The following PTK2 variants were observed in gnomAD, a reference collection of about 807,000 sequenced individuals.
PTK2 encodes the protein focal adhesion kinase 1.
Under a neutral mutation model 150.1 loss-of-function variants are expected in PTK2, and 45 were observed. The observed-to-expected ratio is 0.30, with a 90% CI of 0.24 to 0.38. The LOEUF is 0.38. Ranked by LOEUF, PTK2 falls within the 10% of genes least tolerant of loss-of-function variation. PTK2 has a pLI of 1.00. For synonymous variants in PTK2, 432 were observed against 449.2 expected, an observed-to-expected ratio of 0.96 and a Z score of 0.48; for missense variants, 919 against 1,307.3, an observed-to-expected ratio of 0.70 and a Z score of 4.58.
chr8:140,901,507 T>G (rs896973733), intron 2 of PTK2, among the ~76,000 whole-genome samples: 2 of 152,010 alleles, frequency 1.3e-5, no homozygotes, highest in Non-Finnish European at 2.9e-5. Context: ...TGGGAGAAAG[T>G]ATTTGCACCT....
intron 22 of PTK2, among the ~76,000 whole-genome samples, chr8:140,734,394 A>T (rs1004571059): frequency 2.6e-5 from 4 of 152,166 alleles, no homozygotes; most frequent in Non-Finnish European, 5.9e-5. Context: ...TCAATTCAAC[A>T]AATGTTTATT....
chr8:140,968,716 C>A (rs889736180), intron 1 of PTK2, among the ~76,000 whole-genome samples: 8 of 152,186 alleles, frequency 5.3e-5, no homozygotes, highest in Non-Finnish European at 8.8e-5. Flanking sequence ...TCAATACATT[C>A]AACACAAGAC....
intron 26 of PTK2, among the ~76,000 whole-genome samples, chr8:140,695,258 TA>T: frequency 6.6e-6 from 1 of 152,296 alleles, no homozygotes; most frequent in Non-Finnish European, 1.5e-5. Context: ...TTGTCCCTTT[TA>T]AGTCCGTCTT....
At chr8:140,879,988 G>C (rs905025692) in intron 3 of PTK2, among the ~76,000 whole-genome samples, 3 of 152,078 alleles carry the variant, frequency 2.0e-5, no homozygotes, top group Non-Finnish European at 4.4e-5. Context: ...AAGCACACCA[G>C]CTATCTTTCA....
At chr8:140,665,792 A>T (rs1420947527) in intron 30 of PTK2, among the ~76,000 whole-genome samples, 3 of 152,240 alleles carry the variant, frequency 2.0e-5, no homozygotes, top group Non-Finnish European at 2.9e-5. Flanking sequence ...TAAAATCACC[A>T]TATAAAATCT....
rs140192219 is a variant in PTK2, at chr8:140,994,403, A to C, written c.-122+6722T>G. Among the ~76,000 whole-genome samples, 57 of 152,380 alleles carry C rather than the reference A, an allele frequency of 3.7e-4. 1 individual carries two copies. In the East Asian group the frequency reaches 0.01, roughly 27 times the overall value. On this transcript the variant is annotated intron_variant, in intron 1 of 31. Transcript: ENST00000522684. ...ATCGAGCAAGTCATCAGTGCCATTT[A>C]TTCAACAGCATGTGCTCACTTTGAG...
At chr8:140,736,733 T>G (rs1346398935) in intron 21 of PTK2, among the ~76,000 whole-genome samples, 1 of 152,216 alleles carries the variant, frequency 6.6e-6, no homozygotes, top group Non-Finnish European at 1.5e-5. Context: ...AACATCCCTT[T>G]ACCTTCCTCA....
intron 10 of PTK2, among the ~76,000 whole-genome samples, chr8:140,810,520 C>T (rs1669333667): frequency 6.6e-6 from 1 of 152,186 alleles, no homozygotes; most frequent in South Asian, 2.1e-4. Flanking sequence ...CAGCAGAGAG[C>T]TCCCACGGGG....
intron 10 of PTK2, among the ~76,000 whole-genome samples, chr8:140,805,446 C>T (rs2100097641): frequency 6.6e-6 from 1 of 151,704 alleles, no homozygotes; most frequent in Non-Finnish European, 1.5e-5. Context: ...GTAATTGCAG[C>T]TACTCAGGAG....
intron 30 of PTK2, among the ~76,000 whole-genome samples, chr8:140,666,190 A>T (rs1394669805): frequency 6.6e-6 from 1 of 151,986 alleles, no homozygotes; most frequent in African/African-American, 2.4e-5. Flanking sequence ...ATACAAAAAT[A>T]AGCCAGGTGT....
intron 7 of PTK2, among the ~76,000 whole-genome samples, chr8:140,833,336 G>A (rs928734614): frequency 3.9e-5 from 6 of 152,164 alleles, no homozygotes; most frequent in African/African-American, 1.4e-4. Context: ...AAGTACACAA[G>A]GTCATGGTAA....
chr8:140,698,021 G>A (rs765960372), intron 26 of PTK2, among the ~76,000 whole-genome samples: 1 of 151,644 alleles, frequency 6.6e-6, no homozygotes, highest in South Asian at 2.1e-4. Flanking sequence ...GTCATTACCC[G>A]CACTCTTCGC....
chr8:140,706,071 C>T (rs1047613202), intron 24 of PTK2, 48 bp downstream of exon 27: 7 of 1,457,676 alleles, frequency 4.8e-6, no homozygotes, highest in Admixed American at 1.7e-5. Context: ...ACCCCAAAAG[C>T]GCTAAATAAT....
chr8:140,938,238 G>A (rs574822645), intron 1 of PTK2, among the ~76,000 whole-genome samples: 6 of 152,290 alleles, frequency 3.9e-5, no homozygotes, highest in Admixed American at 3.9e-4. Flanking sequence ...TGCTTTGACC[G>A]CTCTGTGACC....
intron 10 of PTK2, among the ~76,000 whole-genome samples, chr8:140,809,611 C>T (rs1201047528): frequency 6.6e-6 from 1 of 152,148 alleles, no homozygotes; most frequent in Non-Finnish European, 1.5e-5. Flanking sequence ...TTGAGACCAG[C>T]TTGGGCAACA....
intron 22 of PTK2, among the ~76,000 whole-genome samples, chr8:140,727,953 T>G (rs780573533): frequency 1.3e-4 from 20 of 152,142 alleles, no homozygotes; most frequent in Non-Finnish European, 1.8e-4. Flanking sequence ...CCCAGCACTT[T>G]GGGAGGCCCA....
rs1476163733 is a variant in PTK2, at chr8:140,803,662, A to C, written c.868-12T>G. On this transcript the variant is annotated splice_polypyrimidine_tract_variant and intron_variant, in intron 10 of 31. Coordinates refer to ENST00000522684, the Ensembl canonical transcript of PTK2. Reference sequence around the variant, plus strand: ...GCAAGATGTGTGGGCTATAAAAAGGAAAGGTAAAATCTTTAGACTACGGAT... The same window carrying C: ...GCAAGATGTGTGGGCTATAAAAAGGCAAGGTAAAATCTTTAGACTACGGAT... The C allele has an allele frequency of 5.6e-6, 9 of 1,602,502 alleles. No individual in the cohort carries two copies. The highest frequency in any genetic ancestry group is 2.2e-5 in the East Asian group (1 of 44,824).
chr8:140,797,609 C>T (rs1012628104), intron 12 of PTK2, among the ~76,000 whole-genome samples: 1 of 152,154 alleles, frequency 6.6e-6, no homozygotes, highest in African/African-American at 2.4e-5. Flanking sequence ...CTCTATATTA[C>T]ACTATACACT....
chr8:140,813,751 TAGA>T lies in PTK2; in HGVS notation c.867+4523_867+4525del, dbSNP rs1393591729. On this transcript the variant is annotated intron_variant, in intron 10 of 31. Coordinates refer to ENST00000522684, the Ensembl canonical transcript of PTK2. Reference sequence around the variant, plus strand: ...AAGAACTAGAGAACCAACCCCAAACTAGAAGAAGAGCAAACCAACCCCAAAACT... The same window carrying T: ...AAGAACTAGAGAACCAACCCCAAACTAGAAGAGCAAACCAACCCCAAAACT... Among the ~76,000 whole-genome samples, 3 of 29,790 alleles carry T rather than the reference TAGA, an allele frequency of 1.0e-4. No individual in the cohort carries two copies. The Admixed American group carries it at 1.3e-3, about 13-fold the overall frequency. 19.5% of individuals were successfully genotyped at this position (29,790 alleles called of 152,430 possible).
Sources: gnomAD v4.1 joint callset for allele counts (sites outside exome capture counted in the v4.1 genomes callset) on GRCh38, gnomAD v4.1.1 for gene constraint, MANE v1.5 for transcripts, NCBI Gene and HGNC (gene_info 2026-07-23, HGNC 2026-07-21) for gene names.